NTNG2: variants seen among roughly 807,000 people sequenced by gnomAD.
NTNG2 encodes netrin G2.
A neutral mutation model predicts 47.6 loss-of-function variants in NTNG2; 15 were observed. That is an observed-to-expected ratio of 0.32 (90% CI 0.21 to 0.49). NTNG2 has a LOEUF of 0.49. Ranked by LOEUF, NTNG2 falls within the 20% of genes least tolerant of loss-of-function variation. The pLI is 0.99. For synonymous variants in NTNG2, 307 were observed against 324.6 expected, an observed-to-expected ratio of 0.95 and a Z score of 0.58; for missense variants, 578 against 764.6, an observed-to-expected ratio of 0.76 and a Z score of 2.88.
rs185340484 is a variant in NTNG2, at chr9:132,169,164, G to T, written c.213+2120G>T. Among the ~76,000 whole-genome samples the T allele has an allele frequency of 9.9e-4, 151 of 152,364 alleles. 3 individuals carry two copies. The highest frequency in any genetic ancestry group is 8.8e-3 in the Admixed American group (134 of 15,308). The stretch of plus-strand genomic sequence containing the variant: ...GCAGACAGGTGGGGAAGGCAGGGGA[G>T]AAAGAACAGTCCCTCCACAATCTCC... On this transcript the variant is annotated intron_variant, in intron 2 of 7. Transcript: ENST00000393229.
At chr9:132,184,662 G>C (rs907180835) in intron 2 of NTNG2, among the ~76,000 whole-genome samples, 2 of 152,220 alleles carry the variant, frequency 1.3e-5, no homozygotes, top group African/African-American at 2.4e-5. Context: ...GGTGGCTCAC[G>C]CCTGTAATCC....
At chr9:132,213,898 G>A (rs546581062) in intron 3 of NTNG2, among the ~76,000 whole-genome samples, 1 of 152,312 alleles carries the variant, frequency 6.6e-6, no homozygotes, top group South Asian at 2.1e-4. Flanking sequence ...AGAAGGACCA[G>A]GCAATGTGAT....
intron 3 of NTNG2, among the ~76,000 whole-genome samples, chr9:132,217,918 C>T (rs773686144): frequency 1.3e-5 from 2 of 152,230 alleles, no homozygotes; most frequent in African/African-American, 2.4e-5. Flanking sequence ...GGGCACCGCT[C>T]TGTGCCAGGG....
intron 2 of NTNG2, 99 bp downstream of exon 2, chr9:132,167,143 C>G: frequency 7.6e-7 from 1 of 1,308,362 alleles, no homozygotes; most frequent in African/African-American, 1.5e-5. Flanking sequence ...GACTGAGATG[C>G]AAGGCTGACT....
chr9:132,161,760 G>A (rs1386499511), upstream of NTNG2: 1 of 151,798 alleles, frequency 6.6e-6, no homozygotes, highest in Non-Finnish European at 1.5e-5. The surrounding 1 kb of genome is among the most constrained non-coding windows in gnomAD (Gnocchi z 7.2). Context: ...CATTAACTTG[G>A]AGCGGAGTGC....
chr9:132,161,773 G>T (rs1478267731), upstream of NTNG2: 2 of 151,728 alleles, frequency 1.3e-5, no homozygotes, highest in East Asian at 1.9e-4. This position sits in a 1 kb window ranked among gnomAD's most constrained non-coding sequence, Gnocchi z 7.2. Flanking sequence ...CGGAGTGCAG[G>T]GGGGCAGTGA....
rs140784706 is a variant in NTNG2 at position 132,222,694 on chromosome 9, C to T, written c.858-4155C>T. Among the ~76,000 whole-genome samples the T allele has an allele frequency of 8.5e-5, 13 of 152,298 alleles. No homozygotes were observed. The East Asian group carries it at 1.4e-3, about 16-fold the overall frequency. On this transcript the variant is annotated intron_variant, in intron 3 of 7. Coordinates refer to ENST00000393229, the MANE Select transcript of NTNG2 (RefSeq NM_032536.4). ...GGGTTCCTGAGTGCCCCCTCTCCCA[C>T]GGCCCACCCAGGACCTGCAGGATTC... is the stretch of plus-strand genomic sequence containing the variant.
chr9:132,210,609 A>ACGACACC (rs1839520414), intron 3 of NTNG2, among the ~76,000 whole-genome samples: 1 of 152,178 alleles, frequency 6.6e-6, no homozygotes, highest in African/African-American at 2.4e-5. Context: ...GTCTGTGGCC[A>ACGACACC]TGACACCCGG....
At chr9:132,238,438 G>A (rs531891523) in intron 5 of NTNG2, among the ~76,000 whole-genome samples, 54 of 152,282 alleles carry the variant, frequency 3.5e-4, no homozygotes, top group South Asian at 3.1e-3. Flanking sequence ...GTCAGAAGCC[G>A]GGCCAGGACC....
intron 5 of NTNG2, among the ~76,000 whole-genome samples, chr9:132,238,442 C>G (rs982323931): frequency 6.6e-6 from 1 of 152,160 alleles, no homozygotes; most frequent in Non-Finnish European, 1.5e-5. Flanking sequence ...GAAGCCGGGC[C>G]AGGACCAGGG....
rs528324729 is a variant in NTNG2, at chr9:132,182,699, T to C, written c.214-15267T>C. On this transcript the variant is annotated intron_variant, in intron 2 of 7. Transcript: ENST00000393229. The surrounding 1 kb of genome is among the most constrained non-coding windows in gnomAD (Gnocchi z 4.2). ...TGTCTCCCAGCAGGAAAGGGAGGTT[T>C]CAGGTTTTGTGGCTCTTTTCCATCT... is the stretch of plus-strand genomic sequence containing the variant. Among the ~76,000 whole-genome samples the C allele has an allele frequency of 2.0e-5, 3 of 152,240 alleles. No individual in the cohort carries two copies. The South Asian group carries it at 6.2e-4, about 32-fold the overall frequency.
In NTNG2 at chr9:132,189,068, C is replaced by CTTTTTTTTTTTTTTTTTTTTTTTTTTT. The variant is rs749756559; in HGVS notation, c.214-8897_214-8871dup. Among the ~76,000 whole-genome samples, 13 of 93,278 alleles carry CTTTTTTTTTTTTTTTTTTTTTTTTTTT rather than the reference C, an allele frequency of 1.4e-4. 4 individuals carry two copies. Among genetic ancestry groups the CTTTTTTTTTTTTTTTTTTTTTTTTTTT allele is most frequent in the South Asian group, 7.0e-4 (2 of 2,870 alleles). The allele number at this position is 93,278 out of a possible 152,430, so 61.2% of individuals were successfully genotyped here. A position where few individuals can be genotyped will look rare whatever the true frequency, so the allele number is the denominator to read the frequency against. Reference sequence around the variant, plus strand: ...TATGTGAAAAAGGCTTTAAGCCTTTCTTTTTTTTTTTTTTTTTTTTTTTTT... The same window carrying CTTTTTTTTTTTTTTTTTTTTTTTTTTT: ...TATGTGAAAAAGGCTTTAAGCCTTTCTTTTTTTTTTTTTTTTTTTTTTTTTTTTTTTTTTTTTTTTTTTTTTTTTTTT... On this transcript the variant is annotated intron_variant, in intron 2 of 7. Transcript: ENST00000393229.
chr9:132,193,982 C>T (rs1589431170), intron 2 of NTNG2, among the ~76,000 whole-genome samples: 2 of 152,278 alleles, frequency 1.3e-5, no homozygotes, highest in East Asian at 3.9e-4. Context: ...TCTTCTTCTT[C>T]CAAGGCCACC....
intron 2 of NTNG2, among the ~76,000 whole-genome samples, chr9:132,187,892 T>A (rs1410351628): frequency 6.6e-6 from 1 of 152,074 alleles, no homozygotes; most frequent in African/African-American, 2.4e-5. Context: ...GATGTCAGGG[T>A]CAGAGGCGGA....
intron 2 of NTNG2, among the ~76,000 whole-genome samples, chr9:132,176,467 C>T (rs746968087): frequency 6.6e-6 from 1 of 152,218 alleles, no homozygotes; most frequent in Non-Finnish European, 1.5e-5. Flanking sequence ...GATGGCCTTC[C>T]TTCACTGGCA....
chr9:132,179,531 G>A (rs929266819), intron 2 of NTNG2, among the ~76,000 whole-genome samples: 7 of 152,224 alleles, frequency 4.6e-5, no homozygotes, highest in Admixed American at 1.3e-4. Context: ...GCTGGCGATC[G>A]CAGCAATGCC....
At chr9:132,188,335 C>T (rs530758948) in intron 2 of NTNG2, among the ~76,000 whole-genome samples, 1 of 152,264 alleles carries the variant, frequency 6.6e-6, no homozygotes, top group African/African-American at 2.4e-5. Context: ...GACGTGCCGC[C>T]TGCCTCCCCG....
At chr9:132,177,736 C>T (rs971832875) in intron 2 of NTNG2, among the ~76,000 whole-genome samples, 1 of 152,202 alleles carries the variant, frequency 6.6e-6, no homozygotes, top group Admixed American at 6.5e-5. Flanking sequence ...CAGCTCACTG[C>T]AACCTCCCCC....
intron 1 of NTNG2, chr9:132,166,060 G>A (rs1325043454): frequency 1.3e-5 from 2 of 152,230 alleles, no homozygotes; most frequent in African/African-American, 2.4e-5. Flanking sequence ...TGGATGGATT[G>A]AGAGCTGAGA....
Sources: gnomAD v4.1 joint callset for allele counts (sites outside exome capture counted in the v4.1 genomes callset) on GRCh38, gnomAD v4.1.1 for gene constraint, Gnocchi (gnomAD v3.1) non-coding constraint, MANE v1.5 for transcripts, NCBI Gene and HGNC (gene_info 2026-07-23, HGNC 2026-07-21) for gene names.